Variants in GPHN observed in about 807,000 individuals in gnomAD.
GPHN encodes gephyrin.
A neutral mutation model predicts 95.5 loss-of-function variants in GPHN; 17 were observed. The ratio of observed to expected loss-of-function variants is 0.18; its 90% CI spans 0.12 to 0.27. The LOEUF is 0.27. Among genes scored for constraint, GPHN ranks in the 10% least tolerant of loss-of-function variants. The pLI is 1.00. For synonymous variants in GPHN, 320 were observed against 322.5 expected, an observed-to-expected ratio of 0.99 and a Z score of 0.08; for missense variants, 660 against 978.1, an observed-to-expected ratio of 0.67 and a Z score of 4.34.
At chr14:66,703,503 G>A (rs1264839739) in intron 2 of GPHN, among the ~76,000 whole-genome samples, 1 of 152,168 alleles carries the variant, frequency 6.6e-6, no homozygotes, top group African/African-American at 2.4e-5. Flanking sequence ...CATTCTTAAA[G>A]AAAATAATTT....
At chr14:67,097,884 T>C (rs1180503390) in intron 12 of GPHN, among the ~76,000 whole-genome samples, 1 of 152,158 alleles carries the variant, frequency 6.6e-6, no homozygotes, top group Non-Finnish European at 1.5e-5. Context: ...ATATAACATA[T>C]ACAGTACATA....
chr14:66,702,105 A>G (rs1041535884), intron 2 of GPHN, among the ~76,000 whole-genome samples: 5 of 152,170 alleles, frequency 3.3e-5, no homozygotes, highest in South Asian at 4.1e-4. Flanking sequence ...AGGAACTCCA[A>G]AAACTCCAGC....
the GPHN span, chr14:67,576,116 C>G: frequency 1.2e-5 from 10 of 806,264 alleles, no homozygotes; most frequent in Non-Finnish European, 1.4e-5. This position sits in a 1 kb window ranked among gnomAD's most constrained non-coding sequence, Gnocchi z 4.0. Flanking sequence ...CTTTTGGACA[C>G]TTTGGCAACT....
At chr14:66,981,481 T>G (rs1329888375) in intron 9 of GPHN, among the ~76,000 whole-genome samples, 1 of 152,140 alleles carries the variant, frequency 6.6e-6, no homozygotes, top group Non-Finnish European at 1.5e-5. Context: ...AAAAAAAATC[T>G]CTTTCTCCAA....
At chr14:67,166,596 A>T (rs2082291351) in intron 20 of GPHN, among the ~76,000 whole-genome samples, 1 of 152,126 alleles carries the variant, frequency 6.6e-6, no homozygotes, top group Non-Finnish European at 1.5e-5. Flanking sequence ...AAGTGGTTCC[A>T]TTTACAAGGA....
chr14:66,563,046 A>G (rs1296567853), intron 1 of GPHN, among the ~76,000 whole-genome samples: 2 of 152,114 alleles, frequency 1.3e-5, no homozygotes, highest in Non-Finnish European at 2.9e-5. Context: ...TCGTGGGGAG[A>G]TATTCTGCCT....
intron 12 of GPHN, among the ~76,000 whole-genome samples, chr14:67,096,265 C>G (rs899464899): frequency 6.6e-6 from 1 of 152,124 alleles, no homozygotes; most frequent in Non-Finnish European, 1.5e-5. Context: ...TATACTTTCC[C>G]TGATAACAAA....
the GPHN span, chr14:67,568,944 A>C: frequency 7.2e-6 from 4 of 557,348 alleles, no homozygotes; most frequent in Non-Finnish European, 1.3e-5. Flanking sequence ...CTGAAAGGTA[A>C]GTATTATTAC....
intron 5 of GPHN, among the ~76,000 whole-genome samples, chr14:66,885,557 A>G (rs947536680): frequency 1.3e-5 from 2 of 152,172 alleles, no homozygotes; most frequent in Admixed American, 1.3e-4. Flanking sequence ...AGGTTGTAGA[A>G]GTGCAGAGGC....
At position 66,690,066 on chromosome 14, in the gene GPHN, T is replaced by C. The variant is rs2067672778; in HGVS notation, c.143+8881T>C. 3.3e-5 allele frequency among the ~76,000 whole-genome samples: 5 copies of C among 151,972 alleles called. No individual in the cohort carries two copies. The South Asian group carries it at 1.0e-3, about 31-fold the overall frequency. Reference sequence around the variant, plus strand: ...TTTTACTTATTTCAGCTTGGATATTTTTTATTTTTTCTACTAATTCTTACA... The same window carrying C: ...TTTTACTTATTTCAGCTTGGATATTCTTTATTTTTTCTACTAATTCTTACA... On this transcript the variant is annotated intron_variant, in intron 2 of 22. Coordinates refer to ENST00000478722, the MANE Select transcript of GPHN (RefSeq NM_020806.5).
At chr14:66,904,860 A>G (rs1282094536) in intron 5 of GPHN, among the ~76,000 whole-genome samples, 1 of 152,116 alleles carries the variant, frequency 6.6e-6, no homozygotes, top group African/African-American at 2.4e-5. Context: ...TTCTGTCTTC[A>G]TTCATGACCT....
the GPHN span, chr14:67,279,509 A>G: frequency 1.3e-6 from 2 of 1,561,380 alleles, no homozygotes; most frequent in Non-Finnish European, 1.7e-6. Context: ...TTGTCTTAGA[A>G]AGTCCTCATT....
At chr14:66,881,473 T>C (rs1168104259) in intron 5 of GPHN, among the ~76,000 whole-genome samples, 4 of 151,912 alleles carry the variant, frequency 2.6e-5, no homozygotes, top group African/African-American at 7.2e-5. Context: ...GCTAATTCTT[T>C]TGTAATAAAA....
intron 1 of GPHN, among the ~76,000 whole-genome samples, chr14:66,533,544 C>T (rs2059023460): frequency 6.6e-6 from 1 of 152,130 alleles, no homozygotes; most frequent in African/African-American, 2.4e-5. Context: ...GACTGAATGG[C>T]TGTAGGAGGG....
intron 18 of GPHN, among the ~76,000 whole-genome samples, chr14:67,151,506 G>C (rs539800468): frequency 6.6e-6 from 1 of 152,184 alleles, no homozygotes; most frequent in South Asian, 2.1e-4. Context: ...CTTATTGGCC[G>C]TGTGCAGAAA....
chr14:67,390,331 A>C, the GPHN span, among the ~76,000 whole-genome samples: 1 of 152,204 alleles, frequency 6.6e-6, no homozygotes, highest in African/African-American at 2.4e-5. Context: ...GGGAAGTGCC[A>C]GTAGGAGTCT....
At chr14:67,551,753 G>T in the GPHN span, among the ~76,000 whole-genome samples, 1 of 152,126 alleles carries the variant, frequency 6.6e-6, no homozygotes, top group Admixed American at 6.5e-5. Context: ...GCCAGGCGTG[G>T]TGGTGCACGT....
intron 4 of GPHN, among the ~76,000 whole-genome samples, chr14:66,831,204 T>C (rs537807841): frequency 1.3e-5 from 2 of 152,078 alleles, no homozygotes; most frequent in Admixed American, 6.6e-5. Context: ...AACAGAAGCA[T>C]AGCAAAAAAT....
Position 67,058,566 on chromosome 14 carries a change from G to A in GPHN, c.1007-83G>A, listed in dbSNP as rs2075695143. On this transcript the variant is annotated intron_variant, in intron 10 of 22. Coordinates refer to ENST00000478722, the MANE Select transcript of GPHN (RefSeq NM_020806.5). ...TCTTCATCTGGGGACATTTGAAATT[G>A]GGAGTTGTGATATTATAAGTCATTG... 3 of 1,159,336 alleles carry A rather than the reference G, an allele frequency of 2.6e-6. No individual in the cohort carries two copies. In the East Asian group the frequency reaches 7.0e-5, roughly 27 times the overall value. The allele number at this position is 1,159,336 out of a possible 1,614,324, so 71.8% of individuals were successfully genotyped here.
Sources: gnomAD v4.1 joint callset for allele counts (sites outside exome capture counted in the v4.1 genomes callset) on GRCh38, gnomAD v4.1.1 for gene constraint, Gnocchi (gnomAD v3.1) non-coding constraint, MANE v1.5 for transcripts, NCBI Gene and HGNC (gene_info 2026-07-23, HGNC 2026-07-21) for gene names.